MALRD1: variants seen among roughly 807,000 people sequenced by gnomAD.
MALRD1 encodes the protein MAM and LDL-receptor class A domain-containing protein 1.
In MALRD1, 247 loss-of-function variants were observed where a neutral mutation model predicts 242.1. The ratio of observed to expected loss-of-function variants is 1.02; its 90% CI spans 0.92 to 1.13. MALRD1 has a LOEUF of 1.13. Among genes scored for constraint, MALRD1 ranks in the 50% most tolerant of loss-of-function variants. MALRD1 has a pLI of 0.00. For synonymous variants in MALRD1, 995 were observed against 866.6 expected, an observed-to-expected ratio of 1.15 and a Z score of -2.60; for missense variants, 2,989 against 2,533.1, an observed-to-expected ratio of 1.18 and a Z score of -3.86.
At chr10:19,153,224 G>C (rs908091316) in intron 11 of MALRD1, among the ~76,000 whole-genome samples, 1 of 152,046 alleles carries the variant, frequency 6.6e-6, no homozygotes, top group African/African-American at 2.4e-5. Context: ...AAATTTATTC[G>C]ACATCATTTT....
Position 19,387,581 on chromosome 10 carries a change from G to A in MALRD1, c.4495G>A (p.Glu1499Lys). ...ECHNGKCYRL[E>K]QSCNFVDNCG... ...TCATAATGGAAAATGCTATAGGCTG[G>A]AACAAAGCTGTAACTTCGTAGATAA... The change falls in exon 27 of 40, where the codon GAA (glutamate) becomes AAA (lysine). Residue 1499 changes from glutamate to lysine, a missense_variant. By Grantham distance (56) the Glu-to-Lys change is moderately conservative. Transcript: ENST00000454679. 6.4e-7 allele frequency: 1 copy of A among 1,550,396 alleles called. No homozygotes were observed. The highest frequency in any genetic ancestry group is 8.7e-7 in the Non-Finnish European group (1 of 1,146,884).
intron 5 of MALRD1, among the ~76,000 whole-genome samples, chr10:19,111,437 G>A (rs911315926): frequency 6.6e-6 from 1 of 152,176 alleles, no homozygotes; most frequent in Non-Finnish European, 1.5e-5. Context: ...AGCCTTTCAC[G>A]TGAATATGAC....
At chr10:19,264,496 C>T (rs1447223519) in intron 19 of MALRD1, among the ~76,000 whole-genome samples, 2 of 150,286 alleles carry the variant, frequency 1.3e-5, no homozygotes, top group Non-Finnish European at 3.0e-5. Context: ...CTCTGTCGCC[C>T]AGGCTAGAGT....
chr10:19,688,115 A>G (rs551623048), intron 36 of MALRD1, among the ~76,000 whole-genome samples: 2,004 of 152,124 alleles, frequency 0.013, 142 homozygotes, highest in Admixed American at 0.11. Flanking sequence ...GATTACAGGC[A>G]CCCGCCACCA....
intron 25 of MALRD1, among the ~76,000 whole-genome samples, chr10:19,350,864 G>A (rs898338956): frequency 6.6e-6 from 1 of 151,780 alleles, no homozygotes; most frequent in Non-Finnish European, 1.5e-5. Context: ...CTGTCTGAGA[G>A]GTTGGCCCCT....
chr10:19,151,556 A>T (rs927126860), intron 11 of MALRD1, among the ~76,000 whole-genome samples: 2 of 152,118 alleles, frequency 1.3e-5, no homozygotes, highest in African/African-American at 4.8e-5. Flanking sequence ...CAGAATTTCT[A>T]GAATGTGTTG....
At position 19,352,305 on chromosome 10, in the gene MALRD1, C is replaced by A. The variant is rs1279772680; in HGVS notation, c.4441+8C>A. The A allele has an allele frequency of 1.4e-6, 2 of 1,424,554 alleles. No individual in the cohort carries two copies. Among genetic ancestry groups the A allele is most frequent in the Non-Finnish European group, 1.8e-6 (2 of 1,089,720 alleles). The allele number at this position is 1,424,554 out of a possible 1,614,324, so 88.2% of individuals were successfully genotyped here. A position where few individuals can be genotyped will look rare whatever the true frequency, so the allele number is the denominator to read the frequency against. On this transcript the variant is annotated splice_region_variant and intron_variant, in intron 26 of 39. Coordinates refer to ENST00000454679, the MANE Select transcript of MALRD1 (RefSeq NM_001142308.3). ...CAGTGCCTCTTCCAACAGGTACATT[C>A]TAATCTGTGTGTGTGTGTGGTATTT...
chr10:19,225,115 T>C (rs1837736927), intron 18 of MALRD1, among the ~76,000 whole-genome samples: 1 of 152,182 alleles, frequency 6.6e-6, no homozygotes, highest in African/African-American at 2.4e-5. Flanking sequence ...ATTGTTTGTT[T>C]TCATCAGGTG....
At chr10:19,420,991 C>T (rs1256078910) in intron 28 of MALRD1, among the ~76,000 whole-genome samples, 2 of 152,188 alleles carry the variant, frequency 1.3e-5, no homozygotes, top group East Asian at 1.9e-4. Flanking sequence ...CCCTCTCTTA[C>T]ACTTGCAAAA....
chr10:19,477,038 T>C (rs1836771308), intron 29 of MALRD1, among the ~76,000 whole-genome samples: 3 of 152,172 alleles, frequency 2.0e-5, no homozygotes, highest in Admixed American at 2.0e-4. Context: ...TCTATATAAT[T>C]CTTGATTTTT....
rs11008499 is a variant in MALRD1, at chr10:19,107,124, G to A, written c.694+3049G>A. On this transcript the variant is annotated intron_variant, in intron 5 of 39. Coordinates refer to ENST00000454679, the MANE Select transcript of MALRD1 (RefSeq NM_001142308.3). ...TTGTAATTATCGAGCAGAATGTTCT[G>A]CAAATATATTTTAGGTTTATTTGAT... is the stretch of plus-strand genomic sequence containing the variant. 6.9e-3 allele frequency among the ~76,000 whole-genome samples: 1,044 copies of A among 151,984 alleles called. 11 individuals are homozygous for A. Among genetic ancestry groups the A allele is most frequent in the African/African-American group, 0.023 (952 of 41,516 alleles).
chr10:19,559,193 A>G (rs1409738657), intron 32 of MALRD1, among the ~76,000 whole-genome samples: 1 of 151,758 alleles, frequency 6.6e-6, no homozygotes, highest in Non-Finnish European at 1.5e-5. Flanking sequence ...AATAATAATA[A>G]TAATAATGAT....
At chr10:19,423,471 T>C (rs1589051839) in intron 28 of MALRD1, among the ~76,000 whole-genome samples, 1 of 151,714 alleles carries the variant, frequency 6.6e-6, no homozygotes, top group African/African-American at 2.4e-5. Context: ...CAGAAAAACA[T>C]AAACCTACAA....
intron 5 of MALRD1, among the ~76,000 whole-genome samples, chr10:19,121,852 A>G (rs1407751047): frequency 6.6e-6 from 1 of 152,138 alleles, no homozygotes; most frequent in Non-Finnish European, 1.5e-5. Flanking sequence ...TGAGAATGAC[A>G]ATAGGGAAGG....
intron 38 of MALRD1, among the ~76,000 whole-genome samples, chr10:19,698,068 A>T (rs1427261528): frequency 2.0e-5 from 3 of 152,148 alleles, no homozygotes; most frequent in Non-Finnish European, 4.4e-5. Context: ...CAAGCTCCAG[A>T]TCCATACCGT....
At chr10:19,550,243 A>G (rs1218885123) in intron 32 of MALRD1, among the ~76,000 whole-genome samples, 2 of 152,016 alleles carry the variant, frequency 1.3e-5, no homozygotes, top group African/African-American at 4.8e-5. Flanking sequence ...CTTGCCTATG[A>G]TACATTCTTT....
At chr10:19,520,295 G>A (rs1364486472) in intron 31 of MALRD1, among the ~76,000 whole-genome samples, 2 of 151,330 alleles carry the variant, frequency 1.3e-5, no homozygotes, top group South Asian at 4.2e-4. Flanking sequence ...AATGGTAATC[G>A]ATGGTTTGTT....
At chr10:19,673,312 G>A (rs1471311118) in intron 36 of MALRD1, among the ~76,000 whole-genome samples, 4 of 152,098 alleles carry the variant, frequency 2.6e-5, no homozygotes, top group South Asian at 2.1e-4. Context: ...GGGTAAACCC[G>A]GGAGGTAGAG....
chr10:19,567,386 A>G (rs1451713543), intron 32 of MALRD1, 116 bp from the exon 33 acceptor site: 5 of 846,240 alleles, frequency 5.9e-6, no homozygotes, highest in Non-Finnish European at 9.1e-6. Flanking sequence ...AAAATACAAT[A>G]GTCAATGTAT....
Sources: allele counts gnomAD v4.1 joint callset (sites outside exome capture counted in the v4.1 genomes callset), GRCh38; gene constraint gnomAD v4.1.1; transcripts MANE v1.5; gene names NCBI Gene and HGNC (gene_info 2026-07-23, HGNC 2026-07-21).